The following PTGFRN variants were observed in gnomAD, a reference collection of about 807,000 sequenced individuals.
PTGFRN encodes the protein prostaglandin F2 receptor negative regulator.
Under a neutral mutation model 83.2 loss-of-function variants are expected in PTGFRN, and 35 were observed. That is an observed-to-expected ratio of 0.42 (90% confidence interval 0.32 to 0.56). The LOEUF (loss-of-function observed/expected upper bound fraction) is 0.56, where lower values mean the gene tolerates loss of function less well. PTGFRN is among the 20% of genes least tolerant of loss of function. The probability of loss-of-function intolerance (pLI) is 0.11; values close to 1 mark genes in which losing one functional copy is unlikely to be tolerated. For synonymous variants in PTGFRN, 519 were observed against 498.6 expected (o/e 1.04, Z -0.55); for missense variants, 1,051 against 1,179.5 (o/e 0.89, Z 1.60).
intron 7 of PTGFRN, among the ~76,000 whole-genome samples, chr1:116,977,070 A>G (rs903281133): frequency 5.3e-4 from 81 of 152,214 alleles, no homozygotes; most frequent in Non-Finnish European, 6.3e-4. Context: ...AGGGGTTGCA[A>G]TCCTAGTCTC....
At chr1:116,968,875 A>G (rs1398668750) in intron 6 of PTGFRN, among the ~76,000 whole-genome samples, 1 of 152,134 alleles carries the variant, frequency 6.6e-6, no homozygotes, top group Non-Finnish European at 1.5e-5. Flanking sequence ...TGTAGCAGGT[A>G]TCAGTACTTC....
chr1:116,985,046 A>C, intron 8 of PTGFRN, 61 bp downstream of exon 8: 1 of 1,542,046 alleles, frequency 6.5e-7, no homozygotes. Flanking sequence ...GCCAGGCTGT[A>C]GCTGACAGAA....
At position 116,952,626 on chromosome 1, in the gene PTGFRN, A is replaced by G. The variant is rs547948237; in HGVS notation, c.1213+3054A>G. Among the ~76,000 whole-genome samples, 3 of 152,308 alleles carry G rather than the reference A, an allele frequency of 2.0e-5. No individual in the cohort carries two copies. In the South Asian group the frequency reaches 6.2e-4, roughly 32 times the overall value. On this transcript the variant is annotated intron_variant, in intron 4 of 8. Transcript: ENST00000393203. The surrounding 1 kb of genome is among the most constrained non-coding windows in gnomAD (Gnocchi z 4.0). ...ACTGAATTTGCCTCTGAAGTTCTGA[A>G]GAGTTGAGACAAAAAAAAAGATGTG... is the stretch of plus-strand genomic sequence containing the variant.
At chr1:116,960,003 G>C (rs1224721610) in intron 4 of PTGFRN, among the ~76,000 whole-genome samples, 4 of 152,004 alleles carry the variant, frequency 2.6e-5, no homozygotes, top group Non-Finnish European at 5.9e-5. Context: ...GAAAAATGTA[G>C]CCTTTTCTAA....
chr1:116,930,908 C>T (rs984217173), intron 1 of PTGFRN, among the ~76,000 whole-genome samples: 2 of 152,182 alleles, frequency 1.3e-5, no homozygotes, highest in African/African-American at 2.4e-5. Context: ...AAACCTCCCC[C>T]TCATCCAACC....
rs4546904 is a variant in PTGFRN at position 116,945,089 on chromosome 1, T to A, written c.829T>A (p.Ser277Thr). The A allele has an allele frequency of 0.9, 1,455,803 of 1,610,272 alleles. 659,074 individuals carry two copies. Among genetic ancestry groups the A allele is most frequent in the South Asian group, 0.93 (84,148 of 90,910 alleles). Reference protein sequence around the residue: ...VEVATVVIQPSVLRAAVPKNV... With the variant: ...VEVATVVIQPTVLRAAVPKNV... ...AGTTGCCACCGTGGTGATCCAGCCATCAGGTGAGCTGGAAACGATGCGTTA... is the reference window on the plus strand; with the variant it reads ...AGTTGCCACCGTGGTGATCCAGCCAACAGGTGAGCTGGAAACGATGCGTTA... Residue 277 changes from serine (S) to threonine (T), a missense_variant, in exon 3 of 9, where the codon TCA becomes ACA. Transcript: ENST00000393203.
At chr1:116,962,633 C>G (rs1650695769) in intron 5 of PTGFRN, among the ~76,000 whole-genome samples, 1 of 152,158 alleles carries the variant, frequency 6.6e-6, no homozygotes, top group South Asian at 2.1e-4. Context: ...CCTATTTGGT[C>G]CTACACTTAC....
intron 1 of PTGFRN, among the ~76,000 whole-genome samples, chr1:116,938,023 T>G (rs574926482): frequency 6.6e-6 from 1 of 152,330 alleles, no homozygotes; most frequent in South Asian, 2.1e-4. Flanking sequence ...CATGATGCTT[T>G]CTTCTAGAAG....
intron 4 of PTGFRN, among the ~76,000 whole-genome samples, chr1:116,957,313 A>G (rs1451512933): frequency 6.6e-6 from 1 of 151,882 alleles, no homozygotes; most frequent in Non-Finnish European, 1.5e-5. Flanking sequence ...CTGGAGGCTA[A>G]GGAAGAGCTG....
chr1:116,986,171 C>T (rs569223639), intron 8 of PTGFRN, among the ~76,000 whole-genome samples: 23 of 127,742 alleles, frequency 1.8e-4, no homozygotes, highest in Admixed American at 7.8e-4. Context: ...CCAGTGGCAG[C>T]GTCCACCCAA....
chr1:116,920,576 T>C (rs913994254), intron 1 of PTGFRN, among the ~76,000 whole-genome samples: 2 of 152,162 alleles, frequency 1.3e-5, no homozygotes, highest in Non-Finnish European at 2.9e-5. Context: ...TGTATAAATA[T>C]TGCTACTACT....
chr1:116,914,625 G>A (rs1048158976), intron 1 of PTGFRN, among the ~76,000 whole-genome samples: 1 of 152,086 alleles, frequency 6.6e-6, no homozygotes, highest in African/African-American at 2.4e-5. Flanking sequence ...ATGGTGGCAT[G>A]TGCCTGTGGT....
At chr1:116,969,240 C>T (rs1650927437) in intron 6 of PTGFRN, among the ~76,000 whole-genome samples, 1 of 151,376 alleles carries the variant, frequency 6.6e-6, no homozygotes, top group African/African-American at 2.4e-5. Context: ...AGTTTTAGGT[C>T]TTACATTTTA....
intron 8 of PTGFRN, 34 bp downstream of exon 8, chr1:116,985,019 G>C (rs774830469): frequency 1.3e-6 from 2 of 1,575,098 alleles, no homozygotes; most frequent in South Asian, 2.3e-5. Flanking sequence ...CAGTGTTTGG[G>C]AATGTCTTCT....
chr1:116,950,752 A>G (rs1233177526), intron 4 of PTGFRN, among the ~76,000 whole-genome samples: 2 of 152,090 alleles, frequency 1.3e-5, no homozygotes, highest in Admixed American at 6.5e-5. Context: ...GGAAGGGACA[A>G]TCCGATTCCG....
At chr1:116,940,012 G>A (rs1650020941) in intron 1 of PTGFRN, among the ~76,000 whole-genome samples, 1 of 152,130 alleles carries the variant, frequency 6.6e-6, no homozygotes, top group Non-Finnish European at 1.5e-5. Flanking sequence ...CAGGCTTTTG[G>A]TCAAAGCCAT....
Position 116,910,030 on chromosome 1 carries a change from A to T in PTGFRN, c.-174A>T. 1 of 717,018 alleles carries T rather than the reference A, an allele frequency of 1.4e-6. No homozygotes were observed. Among genetic ancestry groups the T allele is most frequent in the Non-Finnish European group, 2.4e-6 (1 of 421,720 alleles). The allele number at this position is 717,018 out of a possible 1,614,324, so 44.4% of individuals were successfully genotyped here. A position where few individuals can be genotyped will look rare whatever the true frequency, so the allele number is the denominator to read the frequency against. On this transcript the variant is annotated 5_prime_UTR_variant, in exon 1 of 9. Transcript: ENST00000393203. ...GAGGCGGGAGGGAGCGAGCGGAGCC[A>T]GGGGCGCACGTACGCCCCAGCGCTG...
chr1:116,985,983 G>A (rs906426098), intron 8 of PTGFRN, among the ~76,000 whole-genome samples: 5 of 152,194 alleles, frequency 3.3e-5, no homozygotes, highest in African/African-American at 9.7e-5. Flanking sequence ...AGGGGCCTCC[G>A]AGGATGAGTA....
chr1:116,965,648 T>A (rs543553380), intron 5 of PTGFRN, among the ~76,000 whole-genome samples: 1 of 152,322 alleles, frequency 6.6e-6, no homozygotes, highest in South Asian at 2.1e-4. Context: ...TTTACGGTTG[T>A]GGCACACACA....
Sources: gnomAD v4.1 joint callset for allele counts (sites outside exome capture counted in the v4.1 genomes callset) on GRCh38, gnomAD v4.1.1 for gene constraint, Gnocchi (gnomAD v3.1) non-coding constraint, MANE v1.5 for transcripts, NCBI Gene and HGNC (gene_info 2026-07-23, HGNC 2026-07-21) for gene names.